Variants in ANKRD18B observed in about 807,000 individuals in gnomAD.
The protein encoded by ANKRD18B is ankyrin repeat domain-containing protein 18B.
A neutral mutation model predicts 111.8 loss-of-function variants in ANKRD18B; 75 were observed. That is an observed-to-expected ratio of 0.67 (90% CI 0.56 to 0.81). The LOEUF (loss-of-function observed/expected upper bound fraction) is 0.81, where lower values mean the gene tolerates loss of function less well. Among genes scored for constraint, ANKRD18B ranks in the 40% least tolerant of loss-of-function variants. ANKRD18B has a pLI of 0.00. For synonymous variants in ANKRD18B, 356 were observed against 417.3 expected (o/e 0.85, Z 1.79); for missense variants, 1,038 against 1,225.5 (o/e 0.85, Z 2.28).
rs1587281377 is a variant in ANKRD18B at position 33,572,608 on chromosome 9, A to G, written c.*174A>G. On this transcript the variant is annotated 3_prime_UTR_variant, in exon 19 of 19. Transcript: ENST00000684830. ...TCCTTAAGTTTTAAGTGGATCTTGC[A>G]AATGAACACCAGTGTTATTGAGTTT... The G allele has an allele frequency of 1.6e-6, 2 of 1,245,180 alleles. No homozygotes were observed. The highest frequency in any genetic ancestry group is 7.3e-5 in the East Asian group (2 of 27,400). 77.1% of individuals were successfully genotyped at this position (1,245,180 alleles called of 1,614,324 possible).
At chr9:33,574,745 G>A (rs7019199), downstream of ANKRD18B, among the ~76,000 whole-genome samples, 1 of 151,756 alleles carries the variant, frequency 6.6e-6, no homozygotes, top group African/African-American at 2.4e-5. Flanking sequence ...CATATGTACA[G>A]ACACACACAA....
rs1828385188 is a variant in ANKRD18B at position 33,547,981 on chromosome 9, A to G, written c.1193A>G (p.Asn398Ser). The change falls in exon 11 of 19, where the codon AAT (asparagine) becomes AGT (serine). Residue 398 changes from asparagine to serine, a missense_variant. Asn to Ser is a conservative substitution (Grantham distance 46, BLOSUM62 1). Around this residue, in one of 4 missense-constraint regions of ANKRD18B, gnomAD observed 205 missense variants for 201.3 expected, o/e 1.02. Coordinates refer to ENST00000684830, the MANE Select transcript of ANKRD18B (RefSeq NM_001393611.1). ...AAAAAGAAGGATGAGATGTTTGGAA[A>G]TTTTATGTTGAAGAGAGACATTGCC... ...YGKKKDEMFG[N>S]FMLKRDIAML... 2.0e-6 allele frequency: 3 copies of G among 1,467,614 alleles called. No individual in the cohort carries two copies. The highest frequency in any genetic ancestry group is 2.7e-6 in the Non-Finnish European group (3 of 1,109,730). The allele number at this position is 1,467,614 out of a possible 1,614,324, so 90.9% of individuals were successfully genotyped here.
At chr9:33,557,221 G>A (rs1587272358) in intron 13 of ANKRD18B, among the ~76,000 whole-genome samples, 1 of 151,914 alleles carries the variant, frequency 6.6e-6, no homozygotes, top group Non-Finnish European at 1.5e-5. Flanking sequence ...AAAACTGCCT[G>A]TTTTCTTTTT....
At chr9:33,568,240 T>C (rs578149080) in intron 16 of ANKRD18B, among the ~76,000 whole-genome samples, 5 of 152,372 alleles carry the variant, frequency 3.3e-5, no homozygotes, top group Non-Finnish European at 7.3e-5. Context: ...TACAACATGA[T>C]GTTTTCATAT....
At position 33,536,075 on chromosome 9, in the gene ANKRD18B, C is replaced by G. The variant is rs535593210; in HGVS notation, c.741-803C>G. On this transcript the variant is annotated intron_variant, in intron 5 of 18. Transcript: ENST00000684830. The stretch of plus-strand genomic sequence containing the variant: ...AAAAAGGTGCAGCCTCTAACACAGA[C>G]CTGCTGGCTCTGAGTCTGAGGAGGT... 3.3e-5 allele frequency among the ~76,000 whole-genome samples: 5 copies of G among 152,090 alleles called. No homozygotes were observed. In the South Asian group the frequency reaches 6.2e-4, roughly 19 times the overall value.
At position 33,529,118 on chromosome 9, in the gene ANKRD18B, C is replaced by A. The variant is rs1828072815; in HGVS notation, c.440C>A (p.Thr147Asn). The A allele has an allele frequency of 3.7e-6, 6 of 1,611,834 alleles. No homozygotes were observed. The highest frequency in any genetic ancestry group is 5.1e-6 in the Non-Finnish European group (6 of 1,179,852). The change falls in exon 3 of 19, where the codon ACT (threonine) becomes AAT (asparagine). Residue 147 changes from threonine (T) to asparagine (N), a missense_variant. Thr to Asn is a moderately conservative substitution (Grantham distance 65, BLOSUM62 0). Around this residue, in one of 4 missense-constraint regions of ANKRD18B, gnomAD observed 216 missense variants for 205.1 expected, o/e 1.05. Transcript: ENST00000684830. Reference sequence around the variant, plus strand: ...CATTATGCCGTGTATAATGAGGGGACTTCACTGGCAGAAAGACTGCTTTCC... The same window carrying A: ...CATTATGCCGTGTATAATGAGGGGAATTCACTGGCAGAAAGACTGCTTTCC... ...ALHYAVYNEG[T>N]SLAERLLSHH...
Position 33,567,201 on chromosome 9 carries a change from A to G in ANKRD18B, c.2841A>G (p.Lys947=), listed in dbSNP as rs1264921984. ...TCACACTTAAAGATGTGGAATGTAA[A>G]TTCTCCAAAATGAAAACAGCTTATG... ...KELTLKDVEC[K]FSKMKTAYED... The change falls in exon 16 of 19, where the codon AAA becomes AAG. Residue 947 remains lysine (K), a synonymous_variant. Transcript: ENST00000684830. 1 of 1,550,444 alleles carries G rather than the reference A, an allele frequency of 6.4e-7. No homozygotes were observed. Among genetic ancestry groups the G allele is most frequent in the Admixed American group, 2.0e-5 (1 of 50,904 alleles).
intron 10 of ANKRD18B, among the ~76,000 whole-genome samples, chr9:33,546,799 A>G (rs1393336654): frequency 2.6e-5 from 4 of 152,110 alleles, no homozygotes; most frequent in Admixed American, 2.6e-4. Context: ...TTTTACTTCC[A>G]TTATCAAGTA....
At chr9:33,538,490 A>T (rs1394091872) in intron 6 of ANKRD18B, among the ~76,000 whole-genome samples, 1 of 152,318 alleles carries the variant, frequency 6.6e-6, no homozygotes, top group East Asian at 1.9e-4. Flanking sequence ...TAATCCCAGC[A>T]CATGGCAGGC....
At chr9:33,546,448 A>C (rs1053884443) in intron 10 of ANKRD18B, among the ~76,000 whole-genome samples, 6 of 152,156 alleles carry the variant, frequency 3.9e-5, no homozygotes, top group East Asian at 1.9e-4. Context: ...AGGTTTTGAC[A>C]TGTATGATTT....
intron 11 of ANKRD18B, among the ~76,000 whole-genome samples, chr9:33,549,407 T>G (rs1221533285): frequency 6.6e-6 from 1 of 152,168 alleles, no homozygotes; most frequent in Non-Finnish European, 1.5e-5. Flanking sequence ...TGATAAGGTG[T>G]GTAGTCTTAG....
intron 3 of ANKRD18B, among the ~76,000 whole-genome samples, chr9:33,530,800 C>T (rs1481040695): frequency 6.6e-6 from 1 of 152,174 alleles, no homozygotes; most frequent in Admixed American, 6.5e-5. Flanking sequence ...TTTTGCTTCC[C>T]ACCATGAATC....
At chr9:33,562,970 T>C (rs1475588999) in intron 14 of ANKRD18B, among the ~76,000 whole-genome samples, 1 of 152,232 alleles carries the variant, frequency 6.6e-6, no homozygotes, top group Non-Finnish European at 1.5e-5. Flanking sequence ...TCATATGTCT[T>C]CTTGCTTTGC....
At chr9:33,534,981 G>C (rs1341413563) in intron 5 of ANKRD18B, among the ~76,000 whole-genome samples, 1 of 151,992 alleles carries the variant, frequency 6.6e-6, no homozygotes, top group Admixed American at 6.6e-5. Context: ...CACTTTAGCA[G>C]AAAATCTTGT....
rs2118057103 is a variant in ANKRD18B at position 33,548,082 on chromosome 9, AG to A, written c.1295del (p.Ser432IlefsTer5). ...KEKKYIQEIK[S>X]ITEINANFEK... ...AAAGAAATATATTCAGGAAATTAAA[AG>A]TATTACAGAAATAAATGCTAACTTT... On this transcript the variant is annotated frameshift_variant, in exon 11 of 19. Transcript: ENST00000684830. LOFTEE classifies it high-confidence loss of function. The A allele has an allele frequency of 6.5e-7, 1 of 1,535,672 alleles. No homozygotes were observed. Among genetic ancestry groups the A allele is most frequent in the East Asian group, 2.5e-5 (1 of 40,812 alleles).
At position 33,550,425 on chromosome 9, in the gene ANKRD18B, G is replaced by T. The variant is rs1181748104; in HGVS notation, c.2068-5G>T. The T allele has an allele frequency of 1.3e-6, 2 of 1,526,034 alleles. No individual in the cohort carries two copies. The highest frequency in any genetic ancestry group is 1.8e-6 in the Non-Finnish European group (2 of 1,139,130). The allele number at this position is 1,526,034 out of a possible 1,614,324, so 94.5% of individuals were successfully genotyped here. A position where few individuals can be genotyped will look rare whatever the true frequency, so the allele number is the denominator to read the frequency against. ...ATAAAATTGGTAACAAAAATATTTTGTCAGGTGATTGTGAGAGAATTTCAA... is the reference window on the plus strand; with the variant it reads ...ATAAAATTGGTAACAAAAATATTTTTTCAGGTGATTGTGAGAGAATTTCAA... On this transcript the variant is annotated splice_polypyrimidine_tract_variant and splice_region_variant and intron_variant, in intron 11 of 18. Coordinates refer to ENST00000684830, the MANE Select transcript of ANKRD18B (RefSeq NM_001393611.1).
intron 17 of ANKRD18B, among the ~76,000 whole-genome samples, chr9:33,570,193 G>T (rs750565092): frequency 6.6e-6 from 1 of 152,098 alleles, no homozygotes; most frequent in Admixed American, 6.5e-5. Context: ...GCAAACTAAC[G>T]CAGAAACAGA....
chr9:33,543,080 T>A, intron 9 of ANKRD18B, 105 bp from the exon 10 acceptor site: 2 of 1,077,080 alleles, frequency 1.9e-6, no homozygotes, highest in Non-Finnish European at 2.7e-6. Flanking sequence ...TTCATTTAAA[T>A]TCTCAATTTA....
chr9:33,574,394 C>A, downstream of ANKRD18B: 1 of 154,534 alleles, frequency 6.5e-6, no homozygotes, highest in Non-Finnish European at 1.4e-5. Flanking sequence ...AGTCTCCTTG[C>A]CTCCATCTGT....
Sources: allele counts gnomAD v4.1 joint callset (sites outside exome capture counted in the v4.1 genomes callset), GRCh38; gene constraint gnomAD v4.1.1; regional missense constraint gnomAD v4.1.1; transcripts MANE v1.5; gene names NCBI Gene and HGNC (gene_info 2026-07-23, HGNC 2026-07-21).